DLGAP2: variants seen among roughly 807,000 people sequenced by gnomAD.
DLGAP2 encodes DLG associated protein 2, also known as disks large-associated protein 2.
In DLGAP2, 26 loss-of-function variants were observed where a neutral mutation model predicts 100.3. The observed-to-expected ratio is 0.26, with a 90% CI of 0.19 to 0.36. The LOEUF is 0.36. DLGAP2 is among the 10% of genes least tolerant of loss of function. The pLI is 1.00. For missense variants in DLGAP2, 1,858 were observed against 1,453.2 expected, an observed-to-expected ratio of 1.28 and a Z score of -4.53; for synonymous variants, 886 against 630.1, an observed-to-expected ratio of 1.41 and a Z score of -6.08.
intron 4 of DLGAP2, among the ~76,000 whole-genome samples, chr8:1,540,761 A>G (rs1420654048): frequency 2.6e-5 from 4 of 152,246 alleles, no homozygotes; most frequent in African/African-American, 9.6e-5. Context: ...AGCTGCCTGT[A>G]CCTTCTGGAA....
intron 3 of DLGAP2, among the ~76,000 whole-genome samples, chr8:1,413,322 T>G (rs76422417): frequency 3.9e-5 from 6 of 152,274 alleles, no homozygotes; most frequent in Non-Finnish European, 4.4e-5. Context: ...ATAGATATTT[T>G]CAAGAACAGA....
rs191657493 is a variant in DLGAP2, at chr8:1,377,492, T to C, written c.106+118609T>C. 8.2e-3 allele frequency among the ~76,000 whole-genome samples: 1,245 copies of C among 152,092 alleles called. 20 individuals are homozygous for C. The highest frequency in any genetic ancestry group is 0.017 in the Middle Eastern group (5 of 294). ...CTGGGAGGCGGAGCTGGCAGTGAGC[T>C]GAGATCGCACCACTGCACTCCAGCC... is the stretch of plus-strand genomic sequence containing the variant. On this transcript the variant is annotated intron_variant, in intron 3 of 14. Coordinates refer to ENST00000637795, the MANE Select transcript of DLGAP2 (RefSeq NM_001346810.2).
At chr8:1,447,878 G>A (rs1584914116) in intron 3 of DLGAP2, among the ~76,000 whole-genome samples, 1 of 152,186 alleles carries the variant, frequency 6.6e-6, no homozygotes, top group South Asian at 2.1e-4. Context: ...ATACGTAGAG[G>A]TGTTTGTAGT....
At chr8:1,465,968 G>T (rs1464028304) in intron 3 of DLGAP2, among the ~76,000 whole-genome samples, 2 of 152,216 alleles carry the variant, frequency 1.3e-5, no homozygotes, top group East Asian at 3.9e-4. Context: ...GAACGGAGTG[G>T]GAGGTCAGAG....
chr8:1,680,570 G>A (rs921853644), intron 12 of DLGAP2: 1 of 152,250 alleles, frequency 6.6e-6, no homozygotes, highest in Non-Finnish European at 1.5e-5. Flanking sequence ...GACGCCGAAT[G>A]TTGGGGAGAT....
chr8:1,041,119 A>G (rs533840121), intron 2 of DLGAP2, among the ~76,000 whole-genome samples: 109 of 152,264 alleles, frequency 7.2e-4, no homozygotes, highest in African/African-American at 2.6e-3. Flanking sequence ...GTCCTCGGCA[A>G]TGGATATGGT....
intron 3 of DLGAP2, among the ~76,000 whole-genome samples, chr8:1,325,309 A>T (rs1413498724): frequency 6.6e-6 from 1 of 152,182 alleles, no homozygotes; most frequent in African/African-American, 2.4e-5. Context: ...GAAGTTCCCA[A>T]ACAACTTAGC....
chr8:955,836 C>G (rs1403738853), intron 2 of DLGAP2, among the ~76,000 whole-genome samples: 1 of 152,194 alleles, frequency 6.6e-6, no homozygotes, highest in African/African-American at 2.4e-5. Context: ...CCATTTGCAG[C>G]TCTCTGTTCT....
chr8:1,042,255 GGGCACAGCCTT>G (rs1224034347), intron 2 of DLGAP2, among the ~76,000 whole-genome samples: 2 of 152,206 alleles, frequency 1.3e-5, no homozygotes, highest in African/African-American at 4.8e-5. Context: ...GACATTCTTG[GGGCACAGCCTT>G]GTTTTGGATT....
In DLGAP2 at chr8:1,205,589, C is replaced by T. The variant is rs543195240; in HGVS notation, c.74-53262C>T. Among the ~76,000 whole-genome samples, 3 of 152,296 alleles carry T rather than the reference C, an allele frequency of 2.0e-5. No individual in the cohort carries two copies. The East Asian group carries it at 5.8e-4, about 30-fold the overall frequency. ...GGGAGCTTTTACTGCAACACAGAGG[C>T]ACCAAGAGCTGCCGCTGGGACGTGG... On this transcript the variant is annotated intron_variant, in intron 2 of 14. Coordinates refer to ENST00000637795, the MANE Select transcript of DLGAP2 (RefSeq NM_001346810.2).
At chr8:1,289,706 C>G (rs1800016983) in intron 3 of DLGAP2, among the ~76,000 whole-genome samples, 1 of 152,140 alleles carries the variant, frequency 6.6e-6, no homozygotes, top group African/African-American at 2.4e-5. Context: ...AAGTACCCCC[C>G]CGAGGCTAAT....
intron 3 of DLGAP2, among the ~76,000 whole-genome samples, chr8:1,331,631 C>G (rs1801160103): frequency 6.6e-6 from 1 of 152,184 alleles, no homozygotes; most frequent in Non-Finnish European, 1.5e-5. Flanking sequence ...TTGTGTTAAT[C>G]TCAGTTTGGT....
intron 1 of DLGAP2, among the ~76,000 whole-genome samples, chr8:842,754 T>C (rs1157639611): frequency 6.6e-6 from 1 of 152,232 alleles, no homozygotes; most frequent in Non-Finnish European, 1.5e-5. Context: ...TTCAACCTTA[T>C]ATTTTTCTTA....
At chr8:1,668,071 G>C (rs542674991) in intron 8 of DLGAP2, among the ~76,000 whole-genome samples, 12 of 152,346 alleles carry the variant, frequency 7.9e-5, no homozygotes, top group Non-Finnish European at 1.5e-4. Context: ...CCACGCCTGC[G>C]TGCTGTCCTG....
In DLGAP2 at chr8:779,636, A is replaced by G. The variant is rs143247936; in HGVS notation, c.18+41811A>G. 8.4e-3 allele frequency among the ~76,000 whole-genome samples: 1,275 copies of G among 151,776 alleles called. 15 individuals carry two copies. The highest frequency in any genetic ancestry group is 0.03 in the African/African-American group (1,237 of 41,444). On this transcript the variant is annotated intron_variant, in intron 1 of 14. Coordinates refer to ENST00000637795, the MANE Select transcript of DLGAP2 (RefSeq NM_001346810.2). ...AAGCCACCATGCCTAGCCTAATAGC[A>G]TTATTTTCTGAGAAGGTGGTAGTGA...
Position 1,527,417 on chromosome 8 carries a change from G to A in DLGAP2, c.173-21209G>A, listed in dbSNP as rs532913618. 6.6e-5 allele frequency among the ~76,000 whole-genome samples: 10 copies of A among 152,330 alleles called. No individual in the cohort carries two copies. The South Asian group carries it at 1.0e-3, about 16-fold the overall frequency. On this transcript the variant is annotated intron_variant, in intron 4 of 14. Transcript: ENST00000637795. ...GCTTCTCACGTGCAGGACAGATGGC[G>A]CCAGGAAGAGGATGTCAGTGGAAAG...
intron 2 of DLGAP2, among the ~76,000 whole-genome samples, chr8:918,778 G>A (rs988856536): frequency 2.0e-5 from 3 of 152,264 alleles, no homozygotes; most frequent in South Asian, 2.1e-4. Flanking sequence ...AGACATATAC[G>A]GGTAAGACAA....
Position 1,458,431 on chromosome 8 carries a change from A to G in DLGAP2, c.107-42935A>G, listed in dbSNP as rs374371642. Among the ~76,000 whole-genome samples, 272 of 152,318 alleles carry G rather than the reference A, an allele frequency of 1.8e-3. 6 individuals carry two copies. In the South Asian group the frequency reaches 0.053, roughly 29 times the overall value. ...ACCTGGCCTTTTATTGTGTTGAGTC[A>G]GATGAGATGACTGATACTTCACTGT... On this transcript the variant is annotated intron_variant, in intron 3 of 14. Coordinates refer to ENST00000637795, the MANE Select transcript of DLGAP2 (RefSeq NM_001346810.2).
chr8:1,674,467 G>A (rs1798763367), intron 10 of DLGAP2, among the ~76,000 whole-genome samples: 1 of 152,202 alleles, frequency 6.6e-6, no homozygotes, highest in Admixed American at 6.5e-5. Flanking sequence ...ATGCTGCAAT[G>A]AACACCTCAC....
Sources: allele counts gnomAD v4.1 joint callset (sites outside exome capture counted in the v4.1 genomes callset), GRCh38; gene constraint gnomAD v4.1.1; transcripts MANE v1.5; gene names NCBI Gene and HGNC (gene_info 2026-07-23, HGNC 2026-07-21).